ELOVL6: variants seen among roughly 807,000 people sequenced by gnomAD.
ELOVL6 encodes the protein ELOVL fatty acid elongase 6, also known as very long chain fatty acid elongase 6.
ELOVL6 carries 8 observed loss-of-function variants against 31.7 expected under a neutral mutation model. The observed-to-expected ratio is 0.25, with a 90% CI of 0.15 to 0.45. The LOEUF is 0.45. ELOVL6 is among the 20% of genes least tolerant of loss of function. The pLI, the probability that ELOVL6 is intolerant of heterozygous loss-of-function variation, is 1.00. For synonymous variants in ELOVL6, 101 were observed against 117.7 expected (o/e 0.86, Z 0.92); for missense variants, 126 against 326.4 (o/e 0.39, Z 4.73).
At chr4:110,139,407 CTTAT>C (rs776812292) in intron 1 of ELOVL6, among the ~76,000 whole-genome samples, 2 of 152,136 alleles carry the variant, frequency 1.3e-5, no homozygotes, top group Non-Finnish European at 2.9e-5. Context: ...CTTTCCTTCT[CTTAT>C]TTAAGTTTAT....
intron 2 of ELOVL6, among the ~76,000 whole-genome samples, chr4:110,067,792 A>G (rs10452184): frequency 0.35 from 53,527 of 152,100 alleles, 12,370 homozygotes; most frequent in East Asian, 0.73. Flanking sequence ...GATTATTACC[A>G]TGTTAGAATT....
At chr4:110,084,409 A>ATATAT (rs1214879320) in intron 2 of ELOVL6, among the ~76,000 whole-genome samples, 3 of 12,012 alleles carry the variant, frequency 2.5e-4, no homozygotes, top group South Asian at 3.7e-3. Context: ...ATGATATATG[A>ATATAT]CATACATGAT....
At chr4:110,079,116 C>T (rs1755750809) in intron 2 of ELOVL6, among the ~76,000 whole-genome samples, 1 of 152,174 alleles carries the variant, frequency 6.6e-6, no homozygotes, top group African/African-American at 2.4e-5. Context: ...TACAAAGAGA[C>T]TTAGACTCCC....
At chr4:110,117,903 A>AAAAAAAAATAT in intron 1 of ELOVL6, 11 of 6,502 alleles carry the variant, frequency 1.7e-3, no homozygotes, top group South Asian at 0.024. Context: ...AAAAAAAAAA[A>AAAAAAAAATAT]ATATATATAT....
intron 1 of ELOVL6, among the ~76,000 whole-genome samples, chr4:110,149,954 T>A (rs977787880): frequency 1.3e-5 from 2 of 152,220 alleles, no homozygotes; most frequent in Non-Finnish European, 2.9e-5. Context: ...TTCTTCCCCT[T>A]AAAACAAGTA....
intron 1 of ELOVL6, among the ~76,000 whole-genome samples, chr4:110,111,487 G>A (rs1324172619): frequency 3.4e-5 from 5 of 148,668 alleles, no homozygotes; most frequent in African/African-American, 5.0e-5. Context: ...TAAACTCATT[G>A]TATTCCTTTG....
intron 2 of ELOVL6, among the ~76,000 whole-genome samples, chr4:110,067,185 G>A (rs961710795): frequency 1.1e-4 from 17 of 152,166 alleles, no homozygotes; most frequent in Non-Finnish European, 2.4e-4. Flanking sequence ...ACTTCAGAGT[G>A]TATAACTTCA....
chr4:110,062,792 C>T (rs1049255115), intron 2 of ELOVL6, among the ~76,000 whole-genome samples: 1 of 152,174 alleles, frequency 6.6e-6, no homozygotes, highest in East Asian at 1.9e-4. Flanking sequence ...AGTTGCAAAT[C>T]GAACCCTTTG....
Position 110,067,755 on chromosome 4 carries a change from A to G in ELOVL6, c.222-8001T>C, listed in dbSNP as rs552349528. Among the ~76,000 whole-genome samples the G allele has an allele frequency of 7.9e-5, 12 of 152,296 alleles. No individual in the cohort carries two copies. In the East Asian group the frequency reaches 2.1e-3, roughly 27 times the overall value. On this transcript the variant is annotated intron_variant, in intron 2 of 3. Coordinates refer to ENST00000302274, the MANE Select transcript of ELOVL6 (RefSeq NM_024090.3). ...CTATGGTATGATCCAATTTGTGTAC[A>G]TTTTTTTAAAGGTTATGCGTCTATG...
chr4:110,139,218 G>C (rs563456633), intron 1 of ELOVL6, among the ~76,000 whole-genome samples: 4 of 152,246 alleles, frequency 2.6e-5, no homozygotes, highest in South Asian at 2.1e-4. Flanking sequence ...AATTTCAGCT[G>C]TTTTAACTTA....
chr4:110,063,207 C>T (rs934712016), intron 2 of ELOVL6, among the ~76,000 whole-genome samples: 1 of 152,128 alleles, frequency 6.6e-6, no homozygotes, highest in Non-Finnish European at 1.5e-5. Flanking sequence ...TCACATTATT[C>T]CTATTGCTAT....
intron 1 of ELOVL6, among the ~76,000 whole-genome samples, chr4:110,196,458 G>A (rs1759788601): frequency 6.6e-6 from 1 of 152,152 alleles, no homozygotes; most frequent in African/African-American, 2.4e-5. Context: ...CCCCCTAAGC[G>A]GGAGGAGGAA....
intron 2 of ELOVL6, among the ~76,000 whole-genome samples, chr4:110,088,673 C>CA (rs1253618751): frequency 6.6e-6 from 1 of 152,152 alleles, no homozygotes; most frequent in African/African-American, 2.4e-5. Context: ...TCCAAGTAGC[C>CA]AGCATCACTA....
intron 1 of ELOVL6, among the ~76,000 whole-genome samples, chr4:110,139,200 TAAG>T (rs1345229563): frequency 6.6e-6 from 1 of 152,150 alleles, no homozygotes; most frequent in Non-Finnish European, 1.5e-5. Context: ...GAAAGCCTAA[TAAG>T]AAGAAATTTC....
intron 3 of ELOVL6, among the ~76,000 whole-genome samples, chr4:110,056,367 A>G (rs1476861946): frequency 2.0e-5 from 3 of 152,158 alleles, no homozygotes; most frequent in African/African-American, 7.2e-5. Flanking sequence ...TGCATGGGAA[A>G]AAAAAGTCAT....
intron 1 of ELOVL6, among the ~76,000 whole-genome samples, chr4:110,141,070 TTG>T (rs1491043010): frequency 3.3e-4 from 51 of 152,242 alleles, no homozygotes; most frequent in Middle Eastern, 3.4e-3. Flanking sequence ...TTGGTTTTTT[TTG>T]TTTTTTTTGA....
intron 1 of ELOVL6, among the ~76,000 whole-genome samples, chr4:110,157,370 C>T (rs1758477964): frequency 6.6e-6 from 1 of 152,118 alleles, no homozygotes; most frequent in African/African-American, 2.4e-5. Flanking sequence ...ACTGAATACT[C>T]TAAAATATGT....
At position 110,050,751 on chromosome 4, in the gene ELOVL6, T is replaced by C. The variant is rs1201207226; in HGVS notation, c.*587A>G. 6.5e-6 allele frequency: 1 copy of C among 153,684 alleles called. No homozygotes were observed. The highest frequency in any genetic ancestry group is 1.9e-4 in the East Asian group (1 of 5,208). The allele number at this position is 153,684 out of a possible 1,614,324, so 9.5% of individuals were successfully genotyped here. On this transcript the variant is annotated 3_prime_UTR_variant, in exon 4 of 4. Coordinates refer to ENST00000302274, the MANE Select transcript of ELOVL6 (RefSeq NM_024090.3). ...ATATAGTTGTTTACATCTGTTTTCA[T>C]AAGGATGATTAAGACATCTTTTCTC...
At chr4:110,090,495 T>C (rs1441677777) in intron 2 of ELOVL6, among the ~76,000 whole-genome samples, 1 of 152,088 alleles carries the variant, frequency 6.6e-6, no homozygotes, top group Non-Finnish European at 1.5e-5. Context: ...TGACTCACAC[T>C]TGGTGCTGGA....
Sources: allele counts gnomAD v4.1 joint callset (sites outside exome capture counted in the v4.1 genomes callset), GRCh38; gene constraint gnomAD v4.1.1; transcripts MANE v1.5; gene names NCBI Gene and HGNC (gene_info 2026-07-23, HGNC 2026-07-21).